PPP2R5C: variants seen among roughly 807,000 people sequenced by gnomAD.
PPP2R5C encodes the protein serine/threonine-protein phosphatase 2A 56 kDa regulatory subunit gamma isoform.
In PPP2R5C, 7 loss-of-function variants were observed where a neutral mutation model predicts 68.9. That is an observed-to-expected ratio of 0.10 (90% confidence interval 0.06 to 0.19). PPP2R5C has a LOEUF of 0.19. Ranked by LOEUF, PPP2R5C falls within the 10% of genes least tolerant of loss-of-function variation. The pLI, the probability that PPP2R5C is intolerant of heterozygous loss-of-function variation, is 1.00. For missense variants in PPP2R5C, 348 were observed against 641.3 expected, an observed-to-expected ratio of 0.54 and a Z score of 4.94; for synonymous variants, 210 against 222.2, an observed-to-expected ratio of 0.95 and a Z score of 0.49.
intron 11 of PPP2R5C, among the ~76,000 whole-genome samples, chr14:101,911,605 G>A (rs995933066): frequency 3.9e-5 from 6 of 152,106 alleles, no homozygotes; most frequent in African/African-American, 1.2e-4. Context: ...GATCCTGGCC[G>A]GGCGCAGTGG....
chr14:101,860,971 TAA>T (rs2042703670), intron 2 of PPP2R5C, among the ~76,000 whole-genome samples: 1 of 152,200 alleles, frequency 6.6e-6, no homozygotes, highest in African/African-American at 2.4e-5. Flanking sequence ...TTCCCAGGCC[TAA>T]GTTATACCAG....
chr14:101,919,969 C>CAAAAAAAAAAAAAAA (rs34641396), intron 13 of PPP2R5C, among the ~76,000 whole-genome samples: 10 of 52,868 alleles, frequency 1.9e-4, no homozygotes, highest in African/African-American at 9.0e-4. Context: ...AACTCCGTCT[C>CAAAAAAAAAAAAAAA]AAAAAAAAAA....
chr14:101,908,926 C>A (rs1225720540), intron 10 of PPP2R5C, among the ~76,000 whole-genome samples: 1 of 152,206 alleles, frequency 6.6e-6, no homozygotes, highest in Non-Finnish European at 1.5e-5. Flanking sequence ...TTGTTTTTAG[C>A]TACTGGCACC....
At chr14:101,910,360 G>A (rs762282676) in intron 11 of PPP2R5C, among the ~76,000 whole-genome samples, 3 of 152,002 alleles carry the variant, frequency 2.0e-5, no homozygotes, top group Non-Finnish European at 4.4e-5. Flanking sequence ...AGCTTTGCAC[G>A]AATGTAATTC....
In PPP2R5C at chr14:101,877,942, C is replaced by T. The variant is rs1352187870; in HGVS notation, c.295-4219C>T. On this transcript the variant is annotated intron_variant, in intron 2 of 13. Coordinates refer to ENST00000334743, the Ensembl canonical transcript of PPP2R5C. The surrounding 1 kb of genome is among the most constrained non-coding windows in gnomAD (Gnocchi z 4.2). ...CGCTGTATCAGTCTGCTCAGGCTGC[C>T]GTAAGAAAATACCACAGGCTGGTGG... is the stretch of plus-strand genomic sequence containing the variant. Among the ~76,000 whole-genome samples, 2 of 152,162 alleles carry T rather than the reference C, an allele frequency of 1.3e-5. No homozygotes were observed. The highest frequency in any genetic ancestry group is 6.5e-5 in the Admixed American group (1 of 15,282).
At position 101,781,320 on chromosome 14, in the gene PPP2R5C, C is replaced by T. The variant is rs910892483; in HGVS notation, c.94-4698C>T. Among the ~76,000 whole-genome samples, 4 of 152,220 alleles carry T rather than the reference C, an allele frequency of 2.6e-5. No individual in the cohort carries two copies. Among genetic ancestry groups the T allele is most frequent in the Admixed American group, 6.5e-5 (1 of 15,294 alleles). ...AGGGACCCCTTCAGACCTTCCCCAC[C>T]CTCCGAAGCCTCAACCCGCCCTGCG... is the stretch of plus-strand genomic sequence containing the variant. On this transcript the variant is annotated intron_variant, in intron 2 of 14. Coordinates refer to the PPP2R5C transcript ENST00000328724. This position sits in a 1 kb window ranked among gnomAD's most constrained non-coding sequence, Gnocchi z 6.4.
At chr14:101,857,686 C>T (rs780556473) in intron 2 of PPP2R5C, among the ~76,000 whole-genome samples, 8 of 152,202 alleles carry the variant, frequency 5.3e-5, no homozygotes, top group Admixed American at 1.3e-4. Context: ...CATTGTTTGA[C>T]GCTGAAATCC....
intron 3 of PPP2R5C, among the ~76,000 whole-genome samples, chr14:101,787,684 G>C (rs369891037): frequency 6.7e-6 from 1 of 150,316 alleles, no homozygotes; most frequent in African/African-American, 2.5e-5. Flanking sequence ...GGAGAATGGC[G>C]TGAACCCGGG....
At chr14:101,821,536 AT>A (rs571912103) in intron 1 of PPP2R5C, among the ~76,000 whole-genome samples, 7 of 149,936 alleles carry the variant, frequency 4.7e-5, no homozygotes, top group East Asian at 2.0e-4. Flanking sequence ...AGTATATAGC[AT>A]TTTTTGTTTC....
intron 1 of PPP2R5C, among the ~76,000 whole-genome samples, chr14:101,821,435 T>TGG (rs1352026071): frequency 2.7e-5 from 1 of 37,036 alleles, no homozygotes; most frequent in African/African-American, 7.5e-5. Context: ...TTTCTCCCTG[T>TGG]GGGGGGTGGG....
rs1333405496 is a variant in PPP2R5C at position 101,916,106 on chromosome 14, A to C, written c.1327-1725A>C. Reference sequence around the variant, plus strand: ...TCCCCCAAAATGTCAGCAGATATTAAAGAGCCATAAAGGGCAAAATGGCCC... The same window carrying C: ...TCCCCCAAAATGTCAGCAGATATTACAGAGCCATAAAGGGCAAAATGGCCC... On this transcript the variant is annotated intron_variant, in intron 12 of 13. Coordinates refer to ENST00000334743, the Ensembl canonical transcript of PPP2R5C. The surrounding 1 kb of genome is among the most constrained non-coding windows in gnomAD (Gnocchi z 5.5). Among the ~76,000 whole-genome samples the C allele has an allele frequency of 1.3e-5, 2 of 152,228 alleles. No individual in the cohort carries two copies. Among genetic ancestry groups the C allele is most frequent in the African/African-American group, 2.4e-5 (1 of 41,464 alleles).
intron 1 of PPP2R5C, chr14:101,818,159 A>G (rs1216850910): frequency 6.6e-6 from 1 of 152,194 alleles, no homozygotes; most frequent in African/African-American, 2.4e-5. Context: ...TCCTAAGCAC[A>G]TGTCCACGGC....
chr14:101,900,805 C>T (rs113640754), intron 8 of PPP2R5C, among the ~76,000 whole-genome samples: 1,597 of 152,294 alleles, frequency 0.01, 32 homozygotes, highest in African/African-American at 0.037. Context: ...CACTGCAGTC[C>T]GACGGGCTGT....
At chr14:101,903,953 C>T (rs1386107370) in intron 9 of PPP2R5C, among the ~76,000 whole-genome samples, 2 of 152,156 alleles carry the variant, frequency 1.3e-5, no homozygotes, top group Non-Finnish European at 2.9e-5. Context: ...AGATTACAGG[C>T]ATAAGCCACC....
chr14:101,861,615 C>G (rs564317542), intron 2 of PPP2R5C, among the ~76,000 whole-genome samples: 2 of 152,256 alleles, frequency 1.3e-5, no homozygotes, highest in African/African-American at 4.8e-5. Context: ...TTTCATGACC[C>G]TTGTGCACAC....
chr14:101,768,769 C>T (rs1398903106), intron 2 of PPP2R5C, among the ~76,000 whole-genome samples: 2 of 152,080 alleles, frequency 1.3e-5, no homozygotes, highest in Non-Finnish European at 2.9e-5. Context: ...ACTTTGAGAA[C>T]CCCTCTTTTA....
At chr14:101,793,883 C>CTG (rs1447414683) in intron 3 of PPP2R5C, among the ~76,000 whole-genome samples, 1 of 152,182 alleles carries the variant, frequency 6.6e-6, no homozygotes. Flanking sequence ...TGAAGTCTGG[C>CTG]TGTCTCCAGC....
At chr14:101,792,421 G>A (rs1390416365) in intron 3 of PPP2R5C, among the ~76,000 whole-genome samples, 1 of 152,228 alleles carries the variant, frequency 6.6e-6, no homozygotes, top group Non-Finnish European at 1.5e-5. Context: ...GCCTGAGTCA[G>A]TAGTTTCAGT....
chr14:101,782,213 C>T (rs1436636691), intron 2 of PPP2R5C, among the ~76,000 whole-genome samples: 1 of 18,978 alleles, frequency 5.3e-5, no homozygotes. Context: ...CCCCCTCCCC[C>T]TCCCTCTCTC....
Sources: gnomAD v4.1 joint callset for allele counts (sites outside exome capture counted in the v4.1 genomes callset) on GRCh38, gnomAD v4.1.1 for gene constraint, Gnocchi (gnomAD v3.1) non-coding constraint, MANE v1.5 for transcripts, NCBI Gene and HGNC (gene_info 2026-07-23, HGNC 2026-07-21) for gene names.